The following WDR31 variants were observed in gnomAD, a reference collection of about 807,000 sequenced individuals.
WDR31 encodes WD repeat-containing protein 31.
A neutral mutation model predicts 47.3 loss-of-function variants in WDR31; 30 were observed. That is an observed-to-expected ratio of 0.63 (90% confidence interval 0.47 to 0.86). The LOEUF (loss-of-function observed/expected upper bound fraction) is 0.86, where lower values mean the gene tolerates loss of function less well. WDR31 is among the 40% of genes least tolerant of loss of function. WDR31 has a pLI of 0.00. For synonymous variants in WDR31, 137 were observed against 159.4 expected (o/e 0.86, Z 1.06); for missense variants, 406 against 442.9 (o/e 0.92, Z 0.75).
chr9:113,336,676 T>G (rs1588052431), intron 1 of WDR31, among the ~76,000 whole-genome samples: 1 of 152,242 alleles, frequency 6.6e-6, no homozygotes, highest in Non-Finnish European at 1.5e-5. Context: ...AGTACTTCTA[T>G]TCATCAAAAA....
rs71367717 is a variant in WDR31 at position 113,315,670 on chromosome 9, G to GT, written c.*1078dup. The GT allele has an allele frequency of 0.066, 9,493 of 144,028 alleles. 434 individuals are homozygous for GT. The highest frequency in any genetic ancestry group is 0.17 in the South Asian group (749 of 4,462). The allele number at this position is 144,028 out of a possible 1,614,324, so 8.9% of individuals were successfully genotyped here. ...TCTTTTTTCCTGTATGTGGTTTTTT[G>GT]TTTTTTTTTTTTTCAAGACAAGGTC... On this transcript the variant is annotated 3_prime_UTR_variant, in exon 11 of 11. Coordinates refer to ENST00000374193, the MANE Select transcript of WDR31 (RefSeq NM_001012361.4).
intron 4 of WDR31, among the ~76,000 whole-genome samples, chr9:113,330,726 A>T (rs978138830): frequency 2.0e-5 from 3 of 152,174 alleles, no homozygotes; most frequent in Non-Finnish European, 4.4e-5. Context: ...CTTTGATTTA[A>T]TCTTTAATAA....
At chr9:113,331,244 AAGG>A (rs1833591763) in intron 3 of WDR31, 128 bp from the exon 4 acceptor site, 1 of 691,490 alleles carries the variant, frequency 1.4e-6, no homozygotes, top group South Asian at 3.4e-5. Context: ...AATATTTAAA[AAGG>A]AGAAGAGAAG....
intron 1 of WDR31, among the ~76,000 whole-genome samples, chr9:113,336,824 G>A (rs1833723587): frequency 6.6e-6 from 1 of 152,108 alleles, no homozygotes. Context: ...TTTATTTCAA[G>A]ATCTGCAGAG....
Position 113,316,015 on chromosome 9 carries a change from A to G in WDR31, c.*734T>C, listed in dbSNP as rs917799644. ...TTTTGGCCTTAATCTTTGAATTTCA[A>G]TGTTTTCTTATCTGTAGAGCTGGTG... On this transcript the variant is annotated 3_prime_UTR_variant, in exon 11 of 11. Transcript: ENST00000374193. The G allele has an allele frequency of 6.6e-6, 1 of 152,200 alleles. No homozygotes were observed. Among genetic ancestry groups the G allele is most frequent in the African/African-American group, 2.4e-5 (1 of 41,452 alleles). The allele number at this position is 152,200 out of a possible 1,614,324, so 9.4% of individuals were successfully genotyped here. A position where few individuals can be genotyped will look rare whatever the true frequency, so the allele number is the denominator to read the frequency against.
At chr9:113,336,478 T>A (rs1291402297) in intron 1 of WDR31, 38 bp from the exon 2 acceptor site, 3 of 152,222 alleles carry the variant, frequency 2.0e-5, no homozygotes, top group Admixed American at 2.0e-4. Flanking sequence ...AGACCTTGTT[T>A]ATTAAAGAGA....
rs1259663528 is a variant in WDR31, at chr9:113,340,202, A to C, written c.-182+15T>G. ...CCGCTATGCCCCTTTCTCCCACCTC[A>C]GGCTCAGTACCCACCGGTGGGCTGC... On this transcript the variant is annotated intron_variant, in intron 1 of 10. Coordinates refer to ENST00000374193, the MANE Select transcript of WDR31 (RefSeq NM_001012361.4). The C allele has an allele frequency of 6.6e-6, 1 of 152,146 alleles. No homozygotes were observed. The highest frequency in any genetic ancestry group is 2.4e-5 in the African/African-American group (1 of 41,408). 9.4% of individuals were successfully genotyped at this position (152,146 alleles called of 1,614,324 possible). A position where few individuals can be genotyped will look rare whatever the true frequency, so the allele number is the denominator to read the frequency against.
At chr9:113,316,966 G>A (rs1310987176) in intron 10 of WDR31, 57 bp from the exon 11 acceptor site, 2 of 1,569,078 alleles carry the variant, frequency 1.3e-6, no homozygotes, top group Non-Finnish European at 1.7e-6. Flanking sequence ...CATGAAATGT[G>A]ATGTCTTCAT....
intron 5 of WDR31, among the ~76,000 whole-genome samples, chr9:113,323,612 G>A (rs147957334): frequency 4.1e-4 from 62 of 152,306 alleles, no homozygotes; most frequent in Middle Eastern, 3.4e-3. Context: ...ATCTATGAAT[G>A]CACAGCATGG....
Position 113,327,746 on chromosome 9 carries a change from G to T in WDR31, c.324+1135C>A, listed in dbSNP as rs1354962212. ...TCGGGCGAATCACTTGAGGTCAGGA[G>T]TTGGAGACCAGCCTGGCCAACATAG... On this transcript the variant is annotated intron_variant, in intron 5 of 10. Coordinates refer to ENST00000374193, the MANE Select transcript of WDR31 (RefSeq NM_001012361.4). Among the ~76,000 whole-genome samples, 8 of 152,102 alleles carry T rather than the reference G, an allele frequency of 5.3e-5. No homozygotes were observed. In the South Asian group the frequency reaches 1.7e-3, roughly 31 times the overall value.
Position 113,340,266 on chromosome 9 carries a change from G to C in WDR31, c.-231C>G, listed in dbSNP as rs1833805230. The C allele has an allele frequency of 6.6e-6, 1 of 152,232 alleles. No individual in the cohort carries two copies. Among genetic ancestry groups the C allele is most frequent in the African/African-American group, 2.4e-5 (1 of 41,436 alleles). 9.4% of individuals were successfully genotyped at this position (152,232 alleles called of 1,614,324 possible). ...GGGCCGGCGGGAACGCGGAGCCTGG[G>C]GGTGGGAACAGCCTCCGAGCCCTCC... On this transcript the variant is annotated 5_prime_UTR_variant, in exon 1 of 11. Coordinates refer to ENST00000374193, the MANE Select transcript of WDR31 (RefSeq NM_001012361.4).
rs142356135 is a variant in WDR31, at chr9:113,322,825, C to T, written c.556G>A (p.Val186Ile). The T allele has an allele frequency of 1.2e-6, 2 of 1,614,144 alleles. No homozygotes were observed. The highest frequency in any genetic ancestry group is 1.7e-5 in the Admixed American group (1 of 60,010). The change falls in exon 7 of 11, where the codon GTC becomes ATC. Residue 186 changes from valine (V) to isoleucine (I), a missense_variant. Val to Ile is a conservative substitution (Grantham distance 29). Transcript: ENST00000374193. Reference protein sequence around the residue: ...VTGQSVERASVSRNVVTHLCW... With the variant: ...VTGQSVERASISRNVVTHLCW... ...TGAGTTCATACCACGTTCCTGGAGA[C>T]AGATGCTCTTTCCACACTCTGTCCT...
chr9:113,328,569 C>T (rs1178565111), intron 5 of WDR31, among the ~76,000 whole-genome samples: 1 of 152,206 alleles, frequency 6.6e-6, no homozygotes. Flanking sequence ...ATGGTAAGCA[C>T]AGGGTAAGCC....
intron 5 of WDR31, 43 bp downstream of exon 5, chr9:113,328,838 A>C (rs368097644): frequency 2.8e-5 from 41 of 1,467,820 alleles, no homozygotes; most frequent in Non-Finnish European, 3.7e-5. Context: ...GCTATCCTTT[A>C]TTCAGTTCCA....
chr9:113,321,699 C>T, intron 7 of WDR31, 121 bp from the exon 8 acceptor site: 1 of 870,666 alleles, frequency 1.1e-6, no homozygotes. Flanking sequence ...CTAGCAAATT[C>T]ATTTACAGGC....
rs1833363601 is a variant in WDR31 at position 113,323,011 on chromosome 9, C to T, written c.469G>A (p.Asp157Asn). 1.2e-6 allele frequency: 2 copies of T among 1,613,912 alleles called. No individual in the cohort carries two copies. The highest frequency in any genetic ancestry group is 2.7e-5 in the African/African-American group (2 of 74,900). Residue 157 changes from aspartate (D) to asparagine (N), a missense_variant and splice_region_variant, in exon 6 of 11, where the codon GAC becomes AAC. Asp to Asn is a conservative substitution (Grantham distance 23). Transcript: ENST00000374193. ...MVVTGLAVSP[D>N]SSQLCTGSRD... ...TGGGAAGAGGTCCGCTTTGTTTTAC[C>T]TGGACTCACAGCCAATCCGGTGACC...
intron 2 of WDR31, among the ~76,000 whole-genome samples, chr9:113,335,569 ATT>A (rs1833699579): frequency 6.6e-6 from 1 of 152,232 alleles, no homozygotes; most frequent in Non-Finnish European, 1.5e-5. Context: ...CCAACTTAAT[ATT>A]CTCATTCATA....
intron 2 of WDR31, among the ~76,000 whole-genome samples, chr9:113,332,414 G>C (rs1030638893): frequency 2.6e-5 from 4 of 152,208 alleles, no homozygotes; most frequent in Non-Finnish European, 5.9e-5. Context: ...CAACAGATGA[G>C]TGGAGAAACA....
intron 5 of WDR31, among the ~76,000 whole-genome samples, chr9:113,324,845 T>C (rs1833423079): frequency 8.6e-6 from 1 of 116,510 alleles, no homozygotes; most frequent in African/African-American, 3.1e-5. Context: ...TGTGTGTGTG[T>C]GTGTGTGTGT....
Sources: allele counts gnomAD v4.1 joint callset (sites outside exome capture counted in the v4.1 genomes callset), GRCh38; gene constraint gnomAD v4.1.1; transcripts MANE v1.5; gene names NCBI Gene and HGNC (gene_info 2026-07-23, HGNC 2026-07-21).